KCTD16: variants seen among roughly 807,000 people sequenced by gnomAD.
The protein encoded by KCTD16 is BTB/POZ domain-containing protein KCTD16.
Under a neutral mutation model 33.2 loss-of-function variants are expected in KCTD16, and 13 were observed. The ratio of observed to expected loss-of-function variants is 0.39; its 90% confidence interval spans 0.25 to 0.62. The LOEUF is 0.62. Among genes scored for constraint, KCTD16 ranks in the 20% least tolerant of loss-of-function variants. The pLI is 0.50. For synonymous variants in KCTD16, 197 were observed against 195.3 expected, an observed-to-expected ratio of 1.01 and a Z score of -0.07; for missense variants, 441 against 525.1, an observed-to-expected ratio of 0.84 and a Z score of 1.57.
chr5:144,368,149 GATA>G (rs138031989), intron 3 of KCTD16, among the ~76,000 whole-genome samples: 4,049 of 152,166 alleles, frequency 0.027, 84 homozygotes, highest in African/African-American at 0.044. Context: ...TCCTGCATAT[GATA>G]AGCATAATTT....
At chr5:144,347,333 G>A (rs1040286468) in intron 3 of KCTD16, among the ~76,000 whole-genome samples, 1 of 152,192 alleles carries the variant, frequency 6.6e-6, no homozygotes, top group South Asian at 2.1e-4. Flanking sequence ...AGTGGCTCAC[G>A]CCTGTAATCC....
At chr5:144,381,750 T>C (rs1453101103) in intron 3 of KCTD16, among the ~76,000 whole-genome samples, 3 of 152,130 alleles carry the variant, frequency 2.0e-5, no homozygotes, top group Admixed American at 1.3e-4. Context: ...ACCTCCAGCA[T>C]TGGAAATGAC....
intron 3 of KCTD16, among the ~76,000 whole-genome samples, chr5:144,225,632 C>T (rs1753909684): frequency 6.6e-6 from 1 of 150,966 alleles, no homozygotes; most frequent in African/African-American, 2.4e-5. Context: ...GAGTTTCTGG[C>T]TCTAGAATCA....
chr5:144,224,987 A>G (rs1215541723), intron 3 of KCTD16, among the ~76,000 whole-genome samples: 1 of 152,190 alleles, frequency 6.6e-6, no homozygotes, highest in South Asian at 2.1e-4. Flanking sequence ...TCATAGGTTC[A>G]TATTAAGAAT....
intron 3 of KCTD16, among the ~76,000 whole-genome samples, chr5:144,423,464 C>T (rs1327214069): frequency 6.6e-6 from 1 of 152,072 alleles, no homozygotes; most frequent in East Asian, 1.9e-4. Flanking sequence ...CAGGTCATTC[C>T]TCCCATCCCC....
chr5:144,353,338 A>G (rs1364843660), intron 3 of KCTD16, among the ~76,000 whole-genome samples: 1 of 152,186 alleles, frequency 6.6e-6, no homozygotes, highest in Non-Finnish European at 1.5e-5. Context: ...TATTTCTCTG[A>G]TCAAGGGAGT....
intron 3 of KCTD16, among the ~76,000 whole-genome samples, chr5:144,468,994 G>A (rs1245032657): frequency 6.6e-6 from 1 of 152,152 alleles, no homozygotes; most frequent in Non-Finnish European, 1.5e-5. Context: ...GGTCTATAGT[G>A]GAAGGGGGCC....
At chr5:144,449,937 G>A (rs994485640) in intron 3 of KCTD16, among the ~76,000 whole-genome samples, 2 of 151,896 alleles carry the variant, frequency 1.3e-5, no homozygotes, top group African/African-American at 4.8e-5. Context: ...AAAAGCAAAA[G>A]TAGACAATTG....
intron 3 of KCTD16, among the ~76,000 whole-genome samples, chr5:144,459,470 GCCT>G (rs1166491913): frequency 6.6e-6 from 1 of 151,912 alleles, no homozygotes; most frequent in Non-Finnish European, 1.5e-5. Context: ...TCCTGCCTCA[GCCT>G]CCCGAGTAGT....
intron 3 of KCTD16, among the ~76,000 whole-genome samples, chr5:144,346,088 A>G (rs777478509): frequency 6.6e-5 from 10 of 151,870 alleles, no homozygotes; most frequent in African/African-American, 2.4e-4. Context: ...AGATCCCACA[A>G]ATAAGTGGGA....
At chr5:144,193,659 G>T (rs1752887259) in intron 2 of KCTD16, among the ~76,000 whole-genome samples, 1 of 152,086 alleles carries the variant, frequency 6.6e-6, no homozygotes, top group African/African-American at 2.4e-5. Flanking sequence ...GCAAAGAGCT[G>T]GTCTACTTTA....
intron 3 of KCTD16, among the ~76,000 whole-genome samples, chr5:144,469,091 A>G (rs550763868): frequency 5.3e-5 from 8 of 152,234 alleles, no homozygotes; most frequent in African/African-American, 1.2e-4. Context: ...AGGACTTAAT[A>G]TAACTTAGTT....
intron 3 of KCTD16, among the ~76,000 whole-genome samples, chr5:144,315,373 T>C (rs993720802): frequency 6.6e-6 from 1 of 152,204 alleles, no homozygotes; most frequent in African/African-American, 2.4e-5. Flanking sequence ...TTTTTATTTA[T>C]CTGTGCTAAA....
At chr5:144,215,290 G>T (rs1422666696) in intron 3 of KCTD16, among the ~76,000 whole-genome samples, 2 of 152,136 alleles carry the variant, frequency 1.3e-5, no homozygotes, top group Non-Finnish European at 2.9e-5. Context: ...TGTGACCAGG[G>T]TTTAAGGAGC....
At chr5:144,340,847 C>G (rs200614895) in intron 3 of KCTD16, among the ~76,000 whole-genome samples, 1 of 151,866 alleles carries the variant, frequency 6.6e-6, no homozygotes, top group African/African-American at 2.4e-5. Flanking sequence ...GTCAAGAGTT[C>G]GAGACCAGCC....
chr5:144,450,241 C>T (rs1054284742), intron 3 of KCTD16, among the ~76,000 whole-genome samples: 1 of 151,978 alleles, frequency 6.6e-6, no homozygotes, highest in Non-Finnish European at 1.5e-5. Flanking sequence ...GTCAAAGCCA[C>T]AATGAGAGAT....
chr5:144,330,852 C>G (rs1752341546), intron 3 of KCTD16, among the ~76,000 whole-genome samples: 1 of 152,160 alleles, frequency 6.6e-6, no homozygotes, highest in African/African-American at 2.4e-5. Flanking sequence ...CTTTCCGTAT[C>G]TTTTTCTTCC....
intron 3 of KCTD16, among the ~76,000 whole-genome samples, chr5:144,403,711 T>C (rs1329053946): frequency 6.6e-6 from 1 of 152,174 alleles, no homozygotes; most frequent in East Asian, 1.9e-4. Context: ...TATTCACAGA[T>C]TCTGGGGATT....
intron 3 of KCTD16, among the ~76,000 whole-genome samples, chr5:144,344,881 T>C (rs1211157060): frequency 1.3e-5 from 2 of 151,560 alleles, no homozygotes; most frequent in Admixed American, 6.6e-5. Context: ...CTATAAATCA[T>C]GCTGCTATAA....
Sources: allele counts gnomAD v4.1 joint callset (sites outside exome capture counted in the v4.1 genomes callset), GRCh38; gene constraint gnomAD v4.1.1; transcripts MANE v1.5; gene names NCBI Gene and HGNC (gene_info 2026-07-23, HGNC 2026-07-21).